Variants in FSTL5 observed in about 807,000 individuals in gnomAD.
FSTL5 encodes follistatin-related protein 5.
FSTL5 carries 62 observed loss-of-function variants against 89.1 expected under a neutral mutation model. The observed-to-expected ratio is 0.70, with a 90% CI of 0.57 to 0.86. The LOEUF (loss-of-function observed/expected upper bound fraction) is 0.86, where lower values mean the gene tolerates loss of function less well. Ranked by LOEUF, FSTL5 falls within the 40% of genes least tolerant of loss-of-function variation. The probability of loss-of-function intolerance (pLI) is 0.00; values close to 1 mark genes in which losing one functional copy is unlikely to be tolerated. For synonymous variants in FSTL5, 383 were observed against 346.2 expected (o/e 1.11, Z -1.18); for missense variants, 1,057 against 1,001.6 (o/e 1.06, Z -0.75).
At chr4:161,975,898 G>A (rs1011569989) in intron 3 of FSTL5, among the ~76,000 whole-genome samples, 9 of 150,904 alleles carry the variant, frequency 6.0e-5, no homozygotes, top group East Asian at 1.9e-4. Flanking sequence ...GGCGGATCAC[G>A]AGGCCAGGAG....
chr4:161,780,180 TATAA>T (rs964767688), intron 4 of FSTL5, among the ~76,000 whole-genome samples: 6 of 149,648 alleles, frequency 4.0e-5, no homozygotes, highest in Non-Finnish European at 8.9e-5. Flanking sequence ...TAAATAATTG[TATAA>T]ATAAATAATT....
At chr4:161,754,667 T>C (rs1040533353) in intron 6 of FSTL5, among the ~76,000 whole-genome samples, 1 of 152,176 alleles carries the variant, frequency 6.6e-6, no homozygotes, top group Admixed American at 6.5e-5. Context: ...AACTCATTTC[T>C]AAAATCAATA....
chr4:161,775,231 A>C (rs1244953903), intron 5 of FSTL5, among the ~76,000 whole-genome samples: 1 of 152,188 alleles, frequency 6.6e-6, no homozygotes, highest in Non-Finnish European at 1.5e-5. Context: ...GATATGTTAT[A>C]GGGATCATCA....
At chr4:161,712,842 C>T (rs568838933) in intron 6 of FSTL5, among the ~76,000 whole-genome samples, 8 of 152,052 alleles carry the variant, frequency 5.3e-5, no homozygotes, top group African/African-American at 1.9e-4. Flanking sequence ...CCTCACCCCC[C>T]TCTCTCTCGT....
intron 3 of FSTL5, among the ~76,000 whole-genome samples, chr4:161,933,773 C>A (rs1238880211): frequency 6.6e-6 from 1 of 151,740 alleles, no homozygotes; most frequent in Non-Finnish European, 1.5e-5. Context: ...AATCAATAAG[C>A]CAATCTGTAC....
intron 4 of FSTL5, among the ~76,000 whole-genome samples, chr4:161,860,993 G>A (rs1400444862): frequency 3.3e-5 from 5 of 151,948 alleles, no homozygotes; most frequent in East Asian, 1.9e-4. Context: ...AAGAAAATAC[G>A]TTGTGTTCCT....
At chr4:161,611,902 T>C (rs900183376) in intron 7 of FSTL5, among the ~76,000 whole-genome samples, 27 of 152,152 alleles carry the variant, frequency 1.8e-4, no homozygotes, top group African/African-American at 6.5e-4. Context: ...CTGCTGTAGT[T>C]AAAACTGCGG....
chr4:161,971,725 C>T (rs1455046570), intron 3 of FSTL5, among the ~76,000 whole-genome samples: 1 of 152,144 alleles, frequency 6.6e-6, no homozygotes, highest in East Asian at 1.9e-4. Context: ...GCAAAAGACA[C>T]TAGTTATAGA....
chr4:161,857,236 A>G (rs1414840629), intron 4 of FSTL5, among the ~76,000 whole-genome samples: 1 of 152,172 alleles, frequency 6.6e-6, no homozygotes, highest in Non-Finnish European at 1.5e-5. Flanking sequence ...AATGCTGAGA[A>G]TTGATCAGAT....
chr4:161,676,194 T>G (rs1737294197), intron 6 of FSTL5, among the ~76,000 whole-genome samples: 1 of 152,102 alleles, frequency 6.6e-6, no homozygotes, highest in Non-Finnish European at 1.5e-5. Flanking sequence ...CTACCAAACA[T>G]TACCAATCCA....
At chr4:161,656,206 A>T (rs1736506365) in intron 7 of FSTL5, 122 bp downstream of exon 7, 1 of 486,136 alleles carries the variant, frequency 2.1e-6, no homozygotes, top group South Asian at 5.1e-5. Flanking sequence ...AGATATAGCA[A>T]TGTCCCAATA....
At chr4:161,872,916 G>C (rs949559204) in intron 4 of FSTL5, among the ~76,000 whole-genome samples, 1 of 152,124 alleles carries the variant, frequency 6.6e-6, no homozygotes, top group Admixed American at 6.6e-5. Context: ...CTCAAGATGG[G>C]ATAGATTGGA....
In FSTL5 at chr4:161,386,269, G is replaced by A; in HGVS notation, c.2022C>T (p.Ser674=). Residue 674 remains serine, a synonymous_variant, in exon 16 of 16, where the codon TCC becomes TCT. Transcript: ENST00000306100. ...TTACACCGTCCACCATGACCTGTGGGGAAACTGCTCCGGTGCTGTCAGGTT... is the reference window on the plus strand; with the variant it reads ...TTACACCGTCCACCATGACCTGTGGAGAAACTGCTCCGGTGCTGTCAGGTT... ...GCKPDSTGAV[S]PQVMVDGVTD... 6.2e-7 allele frequency: 1 copy of A among 1,613,942 alleles called. No homozygotes were observed. Among genetic ancestry groups the A allele is most frequent in the Non-Finnish European group, 8.5e-7 (1 of 1,179,948 alleles).
intron 4 of FSTL5, among the ~76,000 whole-genome samples, chr4:161,849,648 C>T (rs1027127007): frequency 2.0e-5 from 3 of 151,612 alleles, no homozygotes; most frequent in East Asian, 1.9e-4. Context: ...TTTAATGACT[C>T]GACATGTGAA....
chr4:161,701,490 C>A (rs1738389195), intron 6 of FSTL5, among the ~76,000 whole-genome samples: 1 of 151,642 alleles, frequency 6.6e-6, no homozygotes, highest in Admixed American at 6.6e-5. Context: ...TAAAAAGAAA[C>A]AGAACTATCT....
intron 6 of FSTL5, among the ~76,000 whole-genome samples, chr4:161,657,713 G>T (rs567782352): frequency 7.8e-4 from 118 of 152,120 alleles, no homozygotes; most frequent in African/African-American, 2.7e-3. Context: ...TTGGTTTTTG[G>T]CATCATCACA....
chr4:161,579,875 T>C (rs868824851), intron 8 of FSTL5, among the ~76,000 whole-genome samples: 3 of 152,244 alleles, frequency 2.0e-5, no homozygotes, highest in South Asian at 2.1e-4. Context: ...AGGACTTCTT[T>C]CCCTGAAAGT....
intron 15 of FSTL5, among the ~76,000 whole-genome samples, chr4:161,410,462 C>T (rs1470806309): frequency 1.3e-5 from 2 of 152,128 alleles, no homozygotes; most frequent in Non-Finnish European, 2.9e-5. Context: ...CTAAGATCAA[C>T]AAAATGCTCA....
intron 11 of FSTL5, among the ~76,000 whole-genome samples, chr4:161,509,284 C>A (rs550219517): frequency 6.6e-6 from 1 of 152,058 alleles, no homozygotes; most frequent in Non-Finnish European, 1.5e-5. Context: ...GCCTGGGCAA[C>A]AAGAGTGAAA....
Sources: allele counts gnomAD v4.1 joint callset (sites outside exome capture counted in the v4.1 genomes callset), GRCh38; gene constraint gnomAD v4.1.1; transcripts MANE v1.5; gene names NCBI Gene and HGNC (gene_info 2026-07-23, HGNC 2026-07-21).